The following BIRC6 variants were observed in gnomAD, a reference collection of about 807,000 sequenced individuals.
The protein encoded by BIRC6 is baculoviral IAP repeat containing 6, also known as dual E2 ubiquitin-conjugating enzyme/E3 ubiquitin-protein ligase BIRC6.
In BIRC6, 98 loss-of-function variants were observed where a neutral mutation model predicts 503.3. That is an observed-to-expected ratio of 0.19 (90% CI 0.17 to 0.23). The LOEUF is 0.23. BIRC6 is among the 10% of genes least tolerant of loss of function. BIRC6 has a pLI of 1.00. For missense variants in BIRC6, 5,360 were observed against 5,806.0 expected, an observed-to-expected ratio of 0.92 and a Z score of 2.50; for synonymous variants, 2,240 against 2,078.7, an observed-to-expected ratio of 1.08 and a Z score of -2.11.
At chr2:32,442,538 G>A in intron 19 of BIRC6, 83 bp downstream of exon 19, 1 of 1,363,132 alleles carries the variant, frequency 7.3e-7, no homozygotes. Flanking sequence ...AGTGTGATTT[G>A]ATCCTTGTTT....
intron 3 of BIRC6, among the ~76,000 whole-genome samples, chr2:32,385,355 T>C (rs1240402031): frequency 6.6e-6 from 1 of 152,220 alleles, no homozygotes; most frequent in African/African-American, 2.4e-5. Context: ...CTTTTGGACT[T>C]TGTGAAGACA....
At chr2:32,437,539 A>G (rs542104997) in intron 15 of BIRC6, among the ~76,000 whole-genome samples, 3 of 152,358 alleles carry the variant, frequency 2.0e-5, no homozygotes, top group African/African-American at 4.8e-5. Flanking sequence ...AATTGCAGAC[A>G]TAGTACAGGT....
chr2:32,548,155 AC>A, intron 64 of BIRC6, 141 bp downstream of exon 64: 1 of 648,848 alleles, frequency 1.5e-6, no homozygotes, highest in Non-Finnish European at 2.4e-6. Flanking sequence ...ATTCTAAGAT[AC>A]CACTGGATAA....
intron 55 of BIRC6, 122 bp from the exon 56 acceptor site, chr2:32,518,132 T>C: frequency 2.1e-6 from 2 of 930,756 alleles, no homozygotes; most frequent in Non-Finnish European, 3.1e-6. Flanking sequence ...ATTTGTTCTT[T>C]AGCTACTGAT....
intron 44 of BIRC6, 91 bp downstream of exon 44, chr2:32,491,649 A>AC: frequency 7.6e-7 from 1 of 1,312,692 alleles, no homozygotes; most frequent in South Asian, 1.6e-5. Flanking sequence ...TTGCTAAAGT[A>AC]TTAAATAATA....
At chr2:32,443,256 G>A (rs576525464) in intron 19 of BIRC6, among the ~76,000 whole-genome samples, 7 of 152,178 alleles carry the variant, frequency 4.6e-5, no homozygotes, top group Non-Finnish European at 1.0e-4. Flanking sequence ...AAGAGCTAAT[G>A]GTCAGTATTG....
rs551629770 is a variant in BIRC6 at position 32,561,741 on chromosome 2, T to A, written c.13144+12260T>A. ...TAATCATGTATATATATATATATAT[T>A]TATTTATTTATTTCTAGATTTTGCT... On this transcript the variant is annotated intron_variant, in intron 65 of 73. Coordinates refer to ENST00000421745, the MANE Select transcript of BIRC6 (RefSeq NM_016252.4). Among the ~76,000 whole-genome samples the A allele has an allele frequency of 1.6e-3, 202 of 124,794 alleles. 3 individuals are homozygous for A. In the South Asian group the frequency reaches 0.023, roughly 14 times the overall value. 81.9% of individuals were successfully genotyped at this position (124,794 alleles called of 152,430 possible). A position where few individuals can be genotyped will look rare whatever the true frequency, so the allele number is the denominator to read the frequency against.
At chr2:32,485,004 G>C (rs1438399714) in intron 39 of BIRC6, among the ~76,000 whole-genome samples, 1 of 152,210 alleles carries the variant, frequency 6.6e-6, no homozygotes, top group Non-Finnish European at 1.5e-5. Flanking sequence ...GGCAAAACAT[G>C]ATAGCCCAGG....
At chr2:32,548,163 ATAAAGATTGTTCTTGCTTACTTGT>A in intron 64 of BIRC6, 149 bp downstream of exon 64, 1 of 634,706 alleles carries the variant, frequency 1.6e-6, no homozygotes, top group African/African-American at 1.9e-5. Flanking sequence ...ATACCACTGG[ATAAAGATTGTTCTTGCTTACTTGT>A]GACTCTGTAT....
At chr2:32,496,049 G>A (rs971695746) in intron 45 of BIRC6, among the ~76,000 whole-genome samples, 1 of 151,994 alleles carries the variant, frequency 6.6e-6, no homozygotes, top group Non-Finnish European at 1.5e-5. Context: ...CACCGTGTTA[G>A]CCAGGATGGT....
intron 1 of BIRC6, among the ~76,000 whole-genome samples, chr2:32,364,766 T>A (rs1368790358): frequency 6.6e-6 from 1 of 151,584 alleles, no homozygotes; most frequent in Non-Finnish European, 1.5e-5. Flanking sequence ...GTGTTTTTTT[T>A]TTTTTTTTCT....
At chr2:32,373,225 G>GA (rs35996034) in intron 1 of BIRC6, among the ~76,000 whole-genome samples, 127 of 145,050 alleles carry the variant, frequency 8.8e-4, no homozygotes, top group African/African-American at 1.6e-3. Flanking sequence ...ATTTCTGCAG[G>GA]AAAAAAAAAA....
intron 45 of BIRC6, among the ~76,000 whole-genome samples, chr2:32,495,845 T>C (rs1211837821): frequency 1.3e-5 from 2 of 150,288 alleles, no homozygotes; most frequent in Non-Finnish European, 3.0e-5. Flanking sequence ...TATATCTTTG[T>C]TTCTTTTTTT....
At chr2:32,500,600 G>GTTTT (rs1169227018) in intron 46 of BIRC6, among the ~76,000 whole-genome samples, 6 of 103,048 alleles carry the variant, frequency 5.8e-5, no homozygotes, top group Non-Finnish European at 8.4e-5. Context: ...TTTTGTTTTT[G>GTTTT]TTTTTGTTTT....
chr2:32,459,656 A>T (rs908425023), intron 23 of BIRC6, among the ~76,000 whole-genome samples: 1 of 152,094 alleles, frequency 6.6e-6, no homozygotes, highest in Non-Finnish European at 1.5e-5. Context: ...AAATGCATTA[A>T]CACTTGTGTG....
intron 12 of BIRC6, 136 bp downstream of exon 12, chr2:32,431,226 C>A (rs1431533093): frequency 4.5e-6 from 2 of 444,514 alleles, no homozygotes; most frequent in African/African-American, 6.2e-5. Flanking sequence ...GACAGAGTCT[C>A]ACTCTGTCAC....
intron 38 of BIRC6, among the ~76,000 whole-genome samples, chr2:32,481,936 A>G (rs967593871): frequency 1.3e-5 from 2 of 152,232 alleles, no homozygotes; most frequent in East Asian, 3.8e-4. Context: ...GTTTAAAAAC[A>G]ATCAATGGAA....
chr2:32,448,479 TC>T (rs2046327656), intron 21 of BIRC6, among the ~76,000 whole-genome samples: 1 of 151,384 alleles, frequency 6.6e-6, no homozygotes, highest in Non-Finnish European at 1.5e-5. Flanking sequence ...CAAAACCCCG[TC>T]TCCACCAAAA....
At chr2:32,507,907 A>T in intron 50 of BIRC6, 73 bp from the exon 51 acceptor site, 1 of 1,374,538 alleles carries the variant, frequency 7.3e-7, no homozygotes, top group Non-Finnish European at 9.7e-7. Context: ...CTGCTATTTT[A>T]CTGGGATTTT....
Sources: gnomAD v4.1 joint callset for allele counts (sites outside exome capture counted in the v4.1 genomes callset) on GRCh38, gnomAD v4.1.1 for gene constraint, MANE v1.5 for transcripts, NCBI Gene and HGNC (gene_info 2026-07-23, HGNC 2026-07-21) for gene names.